PDZRN4: variants seen among roughly 807,000 people sequenced by gnomAD.
PDZRN4 encodes the protein PDZ domain-containing RING finger protein 4.
Under a neutral mutation model 99.0 loss-of-function variants are expected in PDZRN4, and 70 were observed. The ratio of observed to expected loss-of-function variants is 0.71; its 90% confidence interval spans 0.58 to 0.86. The LOEUF (loss-of-function observed/expected upper bound fraction) is 0.86. Among genes scored for constraint, PDZRN4 ranks in the 40% least tolerant of loss-of-function variants. The pLI, the probability that PDZRN4 is intolerant of heterozygous loss-of-function variation, is 0.00. For missense variants in PDZRN4, 1,474 were observed against 1,331.2 expected (o/e 1.11, Z -1.67); for synonymous variants, 551 against 501.6 (o/e 1.10, Z -1.32).
intron 3 of PDZRN4, among the ~76,000 whole-genome samples, chr12:41,260,976 T>C (rs1001569902): frequency 6.6e-6 from 1 of 152,200 alleles, no homozygotes; most frequent in Non-Finnish European, 1.5e-5. Flanking sequence ...TTCCATGATT[T>C]ATCTCTCCCT....
intron 3 of PDZRN4, among the ~76,000 whole-genome samples, chr12:41,277,601 G>C (rs1951357474): frequency 6.6e-6 from 1 of 152,152 alleles, no homozygotes; most frequent in Admixed American, 6.5e-5. Flanking sequence ...GTGGATGATT[G>C]ACTCTGTAGA....
chr12:41,318,279 A>G (rs976555151), intron 3 of PDZRN4, among the ~76,000 whole-genome samples: 2 of 152,198 alleles, frequency 1.3e-5, no homozygotes, highest in African/African-American at 4.8e-5. Context: ...GTACCTATAT[A>G]TAATTCTATT....
At chr12:41,348,888 C>T (rs1951872979) in intron 3 of PDZRN4, among the ~76,000 whole-genome samples, 1 of 151,880 alleles carries the variant, frequency 6.6e-6, no homozygotes, top group Admixed American at 6.6e-5. Flanking sequence ...AGAGGAATAT[C>T]CACAGTTATC....
chr12:41,353,811 T>C lies in PDZRN4; in HGVS notation c.844-152645T>C, dbSNP rs559471932. Among the ~76,000 whole-genome samples the C allele has an allele frequency of 7.6e-4, 116 of 152,186 alleles. 1 individual carries two copies. Among genetic ancestry groups the C allele is most frequent in the Non-Finnish European group, 1.5e-3 (100 of 67,996 alleles). Reference sequence around the variant, plus strand: ...CAATTGCCTTTTCTACTTTAACCAGTTAGAATTTTCTGTTGTTTTCATTTA... The same window carrying C: ...CAATTGCCTTTTCTACTTTAACCAGCTAGAATTTTCTGTTGTTTTCATTTA... On this transcript the variant is annotated intron_variant, in intron 3 of 9. Coordinates refer to ENST00000402685, the MANE Select transcript of PDZRN4 (RefSeq NM_001164595.2).
chr12:41,222,943 A>G lies in PDZRN4; in HGVS notation c.843+28755A>G, dbSNP rs913677162. ...ATATCCTATAATTCTTACCTTGGCTAGAACTACTCATTTTTAGTAGCTTAT... is the reference window on the plus strand; with the variant it reads ...ATATCCTATAATTCTTACCTTGGCTGGAACTACTCATTTTTAGTAGCTTAT... On this transcript the variant is annotated intron_variant, in intron 3 of 9. Transcript: ENST00000402685. Among the ~76,000 whole-genome samples, 3 of 152,332 alleles carry G rather than the reference A, an allele frequency of 2.0e-5. No individual in the cohort carries two copies. The East Asian group carries it at 5.8e-4, about 29-fold the overall frequency.
intron 3 of PDZRN4, among the ~76,000 whole-genome samples, chr12:41,420,474 TC>T (rs1226266808): frequency 1.4e-4 from 21 of 152,124 alleles, no homozygotes; most frequent in Admixed American, 1.4e-3. Flanking sequence ...TTTGTCCCAT[TC>T]CTCATTCAAC....
At position 41,573,505 on chromosome 12, in the gene PDZRN4, G is replaced by A. The variant is rs1455325307; in HGVS notation, c.2726G>A (p.Arg909Gln). ...RYITKRPVRD[R>Q]ILKERALKIK... ...ATCACAAAGAGACCCGTGCGAGACC[G>A]AATCCTGAAGGAACGTGCCTTAAAG... The change falls in exon 10 of 10, where the codon CGA becomes CAA. Residue 909 changes from arginine (R) to glutamine (Q), a missense_variant. Coordinates refer to ENST00000402685, the MANE Select transcript of PDZRN4 (RefSeq NM_001164595.2). 3 of 1,614,032 alleles carry A rather than the reference G, an allele frequency of 1.9e-6. No homozygotes were observed. Among genetic ancestry groups the A allele is most frequent in the South Asian group, 1.1e-5 (1 of 91,074 alleles).
intron 3 of PDZRN4, among the ~76,000 whole-genome samples, chr12:41,426,004 A>T (rs1188890931): frequency 6.6e-6 from 1 of 152,216 alleles, no homozygotes; most frequent in African/African-American, 2.4e-5. Flanking sequence ...GAAAGTAGTG[A>T]TGATAAAGCA....
At chr12:41,320,532 T>C (rs928533215) in intron 3 of PDZRN4, among the ~76,000 whole-genome samples, 6 of 152,188 alleles carry the variant, frequency 3.9e-5, no homozygotes, top group Admixed American at 2.0e-4. Context: ...TGTCCTCTTA[T>C]CAGTTCTTCC....
chr12:41,234,005 T>C (rs1194036889), intron 3 of PDZRN4, among the ~76,000 whole-genome samples: 2 of 152,022 alleles, frequency 1.3e-5, no homozygotes, highest in East Asian at 1.9e-4. Context: ...CACTCTCTGA[T>C]TGGCCCCCGT....
rs529227940 is a variant in PDZRN4, at chr12:41,226,036, T to C, written c.843+31848T>C. On this transcript the variant is annotated intron_variant, in intron 3 of 9. Coordinates refer to ENST00000402685, the MANE Select transcript of PDZRN4 (RefSeq NM_001164595.2). ...CATTCTGAGTCTCTTTATTCCACGA[T>C]GTGGTTAAATGATGTCTTGAAAGGT... is the stretch of plus-strand genomic sequence containing the variant. 1.4e-4 allele frequency among the ~76,000 whole-genome samples: 22 copies of C among 152,218 alleles called. No individual in the cohort carries two copies. In the South Asian group the frequency reaches 4.6e-3, roughly 32 times the overall value.
intron 3 of PDZRN4, among the ~76,000 whole-genome samples, chr12:41,326,608 G>A (rs574633557): frequency 1.1e-4 from 17 of 152,116 alleles, no homozygotes; most frequent in African/African-American, 2.4e-4. Flanking sequence ...CAGCAAGGGC[G>A]AGAGGATCTG....
intron 3 of PDZRN4, among the ~76,000 whole-genome samples, chr12:41,383,045 C>G (rs1952138394): frequency 6.6e-6 from 1 of 152,096 alleles, no homozygotes; most frequent in South Asian, 2.1e-4. Context: ...AAGTGAATTC[C>G]ATTTTTATGA....
chr12:41,571,740 T>A (rs1939484629), intron 9 of PDZRN4, among the ~76,000 whole-genome samples: 1 of 152,148 alleles, frequency 6.6e-6, no homozygotes, highest in African/African-American at 2.4e-5. Context: ...CCTCCATCTG[T>A]CATTAATAAC....
intron 3 of PDZRN4, among the ~76,000 whole-genome samples, chr12:41,334,372 G>A (rs1951759365): frequency 7.7e-6 from 1 of 129,646 alleles, no homozygotes; most frequent in African/African-American, 2.9e-5. Flanking sequence ...ATTCAGTGGG[G>A]AACATTAATG....
At chr12:41,398,718 G>A (rs1022037055) in intron 3 of PDZRN4, among the ~76,000 whole-genome samples, 7 of 152,066 alleles carry the variant, frequency 4.6e-5, no homozygotes, top group African/African-American at 1.4e-4. Flanking sequence ...CACCCAGGGG[G>A]TAGAAATTCA....
In PDZRN4 at chr12:41,527,670, A is replaced by G. The variant is rs1319968941; in HGVS notation, c.1203+17757A>G. Among the ~76,000 whole-genome samples, 3 of 152,210 alleles carry G rather than the reference A, an allele frequency of 2.0e-5. No homozygotes were observed. The East Asian group carries it at 5.8e-4, about 29-fold the overall frequency. On this transcript the variant is annotated intron_variant, in intron 5 of 9. Transcript: ENST00000402685. ...AAATTTTCTTTATAGCCAACCACTG[A>G]CCAAAGTCATTTGGGCAAGCTTGAC...
intron 3 of PDZRN4, among the ~76,000 whole-genome samples, chr12:41,388,909 C>G (rs1952191320): frequency 6.6e-6 from 1 of 152,072 alleles, no homozygotes; most frequent in Non-Finnish European, 1.5e-5. Context: ...TGTACTATGT[C>G]TTCTTCATGT....
At chr12:41,276,744 A>G (rs11180590) in intron 3 of PDZRN4, among the ~76,000 whole-genome samples, 23,934 of 152,124 alleles carry the variant, frequency 0.16, 3,017 homozygotes, top group African/African-American at 0.35. Flanking sequence ...TATTCTGCAG[A>G]TTACAAGAAT....
Sources: allele counts gnomAD v4.1 joint callset (sites outside exome capture counted in the v4.1 genomes callset), GRCh38; gene constraint gnomAD v4.1.1; transcripts MANE v1.5; gene names NCBI Gene and HGNC (gene_info 2026-07-23, HGNC 2026-07-21).